The following SETBP1 variants were observed in gnomAD, a reference collection of about 807,000 sequenced individuals.
SETBP1 encodes SET-binding protein.
Under a neutral mutation model 101.0 loss-of-function variants are expected in SETBP1, and 9 were observed. That is an observed-to-expected ratio of 0.09 (90% CI 0.05 to 0.16). The LOEUF (loss-of-function observed/expected upper bound fraction) is 0.16. Among genes scored for constraint, SETBP1 ranks in the 10% least tolerant of loss-of-function variants. SETBP1 has a pLI of 1.00. For synonymous variants in SETBP1, 818 were observed against 788.5 expected (o/e 1.04, Z -0.63); for missense variants, 1,858 against 2,033.8 (o/e 0.91, Z 1.66).
At chr18:44,721,190 T>C (rs1568108741) in intron 2 of SETBP1, among the ~76,000 whole-genome samples, 1 of 152,166 alleles carries the variant, frequency 6.6e-6, no homozygotes, top group Non-Finnish European at 1.5e-5. Flanking sequence ...AATTGATTTC[T>C]TTTCTTAAGA....
At chr18:44,689,153 T>A (rs2068886894) in intron 1 of SETBP1, among the ~76,000 whole-genome samples, 1 of 152,212 alleles carries the variant, frequency 6.6e-6, no homozygotes, top group African/African-American at 2.4e-5. Context: ...ATGGAAGATG[T>A]AGAACAAAGG....
At chr18:44,699,535 T>C (rs1175008527) in intron 1 of SETBP1, among the ~76,000 whole-genome samples, 1 of 152,228 alleles carries the variant, frequency 6.6e-6, no homozygotes, top group Non-Finnish European at 1.5e-5. Flanking sequence ...TCTCCCCACC[T>C]CCCAAAGTGG....
chr18:44,743,858 CGGA>C (rs1243462738), intron 2 of SETBP1, among the ~76,000 whole-genome samples: 2 of 152,280 alleles, frequency 1.3e-5, no homozygotes, highest in East Asian at 1.9e-4. Flanking sequence ...GGCAGGATCT[CGGA>C]GAAGTGAGTG....
At chr18:45,045,891 T>C (rs2073602525) in intron 5 of SETBP1, among the ~76,000 whole-genome samples, 1 of 152,098 alleles carries the variant, frequency 6.6e-6, no homozygotes, top group African/African-American at 2.4e-5. Context: ...CCTGGAACTT[T>C]TTTATCTTTT....
intron 2 of SETBP1, among the ~76,000 whole-genome samples, chr18:44,776,673 T>C: frequency 6.6e-6 from 1 of 152,218 alleles, no homozygotes; most frequent in East Asian, 1.9e-4. Context: ...TTTTAATCTT[T>C]TAGCCACAAA....
At chr18:44,680,170 G>A (rs1328888459), upstream of SETBP1, 3 of 142,828 alleles carry the variant, frequency 2.1e-5, no homozygotes, top group Non-Finnish European at 1.5e-5. Context: ...AGAGTCGGGC[G>A]GGAAGCGCGG....
chr18:44,807,977 T>A (rs1417452496), intron 2 of SETBP1, among the ~76,000 whole-genome samples: 2 of 152,168 alleles, frequency 1.3e-5, no homozygotes, highest in Non-Finnish European at 2.9e-5. Flanking sequence ...CATCAGAACC[T>A]ACGAATAGGC....
At chr18:44,902,424 C>T (rs1294272584) in intron 3 of SETBP1, among the ~76,000 whole-genome samples, 2 of 135,678 alleles carry the variant, frequency 1.5e-5, no homozygotes, top group Admixed American at 7.8e-5. Context: ...TGGGTTGGGG[C>T]TCTTGATGGT....
At chr18:44,984,175 A>G (rs989563795) in intron 4 of SETBP1, among the ~76,000 whole-genome samples, 2 of 147,898 alleles carry the variant, frequency 1.4e-5, no homozygotes, top group African/African-American at 5.3e-5. Flanking sequence ...CCTGGGAGAC[A>G]GAGCAAGACT....
At chr18:44,695,071 G>A (rs142128362) in intron 1 of SETBP1, among the ~76,000 whole-genome samples, 49 of 152,272 alleles carry the variant, frequency 3.2e-4, no homozygotes, top group African/African-American at 1.2e-3. Context: ...GGCAAAGGGG[G>A]CATGGAAAAT....
chr18:44,816,450 T>TG (rs1568161604), intron 2 of SETBP1, among the ~76,000 whole-genome samples: 1 of 152,136 alleles, frequency 6.6e-6, no homozygotes, highest in Non-Finnish European at 1.5e-5. Context: ...GGGAGCCCTT[T>TG]GGGGCGGGGT....
In SETBP1 at chr18:44,923,459, T is replaced by A. The variant is rs62092688; in HGVS notation, c.541-26422T>A. On this transcript the variant is annotated intron_variant, in intron 3 of 5. Coordinates refer to ENST00000649279, the MANE Select transcript of SETBP1 (RefSeq NM_015559.3). ...GGATAAGCAGGCAAGTCTCCTGATG[T>A]TGTTGAGTCTTTGTAGAGCATTGAT... Among the ~76,000 whole-genome samples the A allele has an allele frequency of 4.5e-3, 678 of 152,296 alleles. 5 individuals are homozygous for A. Among genetic ancestry groups the A allele is most frequent in the Non-Finnish European group, 7.6e-3 (516 of 68,022 alleles).
chr18:44,714,671 G>A (rs1254672690), intron 2 of SETBP1, among the ~76,000 whole-genome samples: 1 of 151,706 alleles, frequency 6.6e-6, no homozygotes, highest in Non-Finnish European at 1.5e-5. Context: ...CTGTAACAGA[G>A]CTGAAGCATC....
At chr18:44,879,951 C>G (rs2069492607) in intron 3 of SETBP1, among the ~76,000 whole-genome samples, 1 of 152,190 alleles carries the variant, frequency 6.6e-6, no homozygotes, top group Non-Finnish European at 1.5e-5. Context: ...GTAGTTCATT[C>G]AACCACAGAG....
At chr18:44,882,462 C>T (rs576808149) in intron 3 of SETBP1, among the ~76,000 whole-genome samples, 2 of 151,540 alleles carry the variant, frequency 1.3e-5, no homozygotes, top group African/African-American at 4.8e-5. Context: ...GAATGGGATG[C>T]TATTCTCTTC....
At chr18:44,959,030 A>G (rs2071555157) in intron 4 of SETBP1, among the ~76,000 whole-genome samples, 1 of 152,248 alleles carries the variant, frequency 6.6e-6, no homozygotes, top group South Asian at 2.1e-4. Flanking sequence ...CCTTTGCTAC[A>G]TTGAAATCAG....
intron 3 of SETBP1, among the ~76,000 whole-genome samples, chr18:44,921,231 G>T (rs371431496): frequency 6.6e-6 from 1 of 152,198 alleles, no homozygotes; most frequent in Non-Finnish European, 1.5e-5. Context: ...TGTAATAAAT[G>T]ATGCTTAAAC....
chr18:44,796,003 C>G (rs2071468884), intron 2 of SETBP1, among the ~76,000 whole-genome samples: 1 of 152,188 alleles, frequency 6.6e-6, no homozygotes, highest in Non-Finnish European at 1.5e-5. Flanking sequence ...ATAAACATAA[C>G]CAGCTCTTTC....
intron 4 of SETBP1, among the ~76,000 whole-genome samples, chr18:44,967,843 C>G (rs540494184): frequency 9.2e-5 from 14 of 152,294 alleles, no homozygotes; most frequent in African/African-American, 3.4e-4. Flanking sequence ...ATGCAAGTAC[C>G]ACATTCTCCC....
Sources: gnomAD v4.1 joint callset for allele counts (sites outside exome capture counted in the v4.1 genomes callset) on GRCh38, gnomAD v4.1.1 for gene constraint, MANE v1.5 for transcripts, NCBI Gene and HGNC (gene_info 2026-07-23, HGNC 2026-07-21) for gene names.